F5: variants seen among roughly 807,000 people sequenced by gnomAD.
F5 encodes coagulation factor V, also known as activated protein c cofactor.
F5 carries 138 observed loss-of-function variants against 216.4 expected under a neutral mutation model. The observed-to-expected ratio is 0.64, with a 90% confidence interval of 0.56 to 0.73. The LOEUF (loss-of-function observed/expected upper bound fraction) is 0.73. Among genes scored for constraint, F5 ranks in the 30% least tolerant of loss-of-function variants. The pLI is 0.00. For synonymous variants in F5, 916 were observed against 930.7 expected, an observed-to-expected ratio of 0.98 and a Z score of 0.29; for missense variants, 2,403 against 2,674.0, an observed-to-expected ratio of 0.90 and a Z score of 2.24.
rs192718711 is a variant in F5, at chr1:169,547,206, C to A, written c.1612-614G>T. Reference sequence around the variant, plus strand: ...AAACAAACAAAAAACAACAACAACACACTTAAACGTAAAACCCCAAACTAC... The same window carrying A: ...AAACAAACAAAAAACAACAACAACAAACTTAAACGTAAAACCCCAAACTAC... On this transcript the variant is annotated intron_variant, in intron 10 of 24. Transcript: ENST00000367797. Among the ~76,000 whole-genome samples the A allele has an allele frequency of 6.1e-4, 93 of 151,964 alleles. 1 individual carries two copies. The highest frequency in any genetic ancestry group is 5.7e-3 in the Admixed American group (87 of 15,256).
chr1:169,518,319 T>G, intron 23 of F5, 93 bp downstream of exon 23: 1 of 1,462,622 alleles, frequency 6.8e-7, no homozygotes. Context: ...ATTAAAATAC[T>G]CCTGCTTCCC....
At position 169,544,526 on chromosome 1, in the gene F5, G is replaced by T. The variant is rs757224003; in HGVS notation, c.1763-18C>A. ...ATTGATAGCTGAAAGTGTAAAATCT[G>T]TTAAAATTCCAAGTCTATGCCAACA... On this transcript the variant is annotated intron_variant, in intron 11 of 24. Transcript: ENST00000367797. The T allele has an allele frequency of 1.9e-6, 3 of 1,606,936 alleles. No homozygotes were observed. In the South Asian group the frequency reaches 3.3e-5, roughly 18 times the overall value.
At chr1:169,533,452 G>C (rs531896719) in intron 14 of F5, among the ~76,000 whole-genome samples, 1 of 152,254 alleles carries the variant, frequency 6.6e-6, no homozygotes, top group South Asian at 2.1e-4. Flanking sequence ...GCTATCTACA[G>C]AGTGAACAGA....
intron 5 of F5, among the ~76,000 whole-genome samples, chr1:169,557,583 T>C (rs1660361888): frequency 6.6e-6 from 1 of 152,062 alleles, no homozygotes; most frequent in Admixed American, 6.6e-5. Flanking sequence ...AAAAACTTAG[T>C]TTTGCTCCTT....
At chr1:169,515,163 C>T (rs1032791151) in intron 24 of F5, among the ~76,000 whole-genome samples, 1 of 152,048 alleles carries the variant, frequency 6.6e-6, no homozygotes, top group Non-Finnish European at 1.5e-5. Context: ...CCATCATCAG[C>T]AAGTTCCCCA....
Position 169,514,013 on chromosome 1 carries a change from T to C in F5, c.*300A>G, listed in dbSNP as rs746426743. ...AAGAGTTATAATGAAGCATTTTAAC[T>C]ACATAAATATTACTTCATAGCATTT... On this transcript the variant is annotated 3_prime_UTR_variant, in exon 25 of 25. Coordinates refer to ENST00000367797, the MANE Select transcript of F5 (RefSeq NM_000130.5). Among the ~76,000 whole-genome samples the C allele has an allele frequency of 3.9e-5, 6 of 152,162 alleles. No individual in the cohort carries two copies. Among genetic ancestry groups the C allele is most frequent in the Non-Finnish European group, 7.4e-5 (5 of 68,016 alleles).
intron 2 of F5, among the ~76,000 whole-genome samples, chr1:169,572,986 C>T (rs898668848): frequency 3.3e-5 from 5 of 151,290 alleles, no homozygotes; most frequent in African/African-American, 1.2e-4. Context: ...CGCTCTGTCT[C>T]CTAGGCTGGA....
chr1:169,574,826 GTATTCATTCCTT>G (rs1418300376), intron 2 of F5, among the ~76,000 whole-genome samples: 6 of 152,180 alleles, frequency 3.9e-5, no homozygotes, highest in African/African-American at 1.2e-4. Flanking sequence ...CCTCCACCTT[GTATTCATTCCTT>G]TATTCATTCC....
chr1:169,520,788 G>A (rs903752084), intron 21 of F5, 124 bp from the exon 22 acceptor site: 2 of 824,656 alleles, frequency 2.4e-6, no homozygotes, highest in Admixed American at 2.3e-5. Flanking sequence ...AAATCAATTT[G>A]GTTATAAAAT....
At chr1:169,572,041 G>A (rs538585110) in intron 3 of F5, among the ~76,000 whole-genome samples, 180 bp downstream of exon 3, 1 of 152,172 alleles carries the variant, frequency 6.6e-6, no homozygotes, top group Non-Finnish European at 1.5e-5. Context: ...CAGGTCTAGA[G>A]GACTCCAAAA....
intron 22 of F5, 101 bp from the exon 23 acceptor site, chr1:169,518,664 G>T: frequency 7.8e-7 from 1 of 1,283,020 alleles, no homozygotes; most frequent in Non-Finnish European, 1.1e-6. Context: ...ACCAACAAAT[G>T]ACAAAAACAA....
intron 12 of F5, among the ~76,000 whole-genome samples, chr1:169,543,609 T>C (rs1010600189): frequency 1.3e-5 from 2 of 152,200 alleles, no homozygotes; most frequent in Admixed American, 1.3e-4. Flanking sequence ...GACATTTAGA[T>C]GTTTCTAAGT....
intron 3 of F5, among the ~76,000 whole-genome samples, chr1:169,570,997 C>T (rs1315773509): frequency 6.6e-6 from 1 of 152,072 alleles, no homozygotes; most frequent in East Asian, 1.9e-4. Context: ...AACCACTCTC[C>T]TACTCAATTA....
In F5 at chr1:169,523,187, G is replaced by T; in HGVS notation, c.6048+10C>A. The T allele has an allele frequency of 6.2e-7, 1 of 1,613,846 alleles. No homozygotes were observed. The highest frequency in any genetic ancestry group is 8.5e-7 in the Non-Finnish European group (1 of 1,179,802). ...AGTCTAGAGATTCAGATAGAAATAT[G>T]CACACAAACCATCACATTCCTTGTG... On this transcript the variant is annotated intron_variant, in intron 21 of 24. Coordinates refer to ENST00000367797, the MANE Select transcript of F5 (RefSeq NM_000130.5).
At position 169,582,459 on chromosome 1, in the gene F5, C is replaced by A; in HGVS notation, c.222G>T (p.Lys74Asn). The A allele has an allele frequency of 6.5e-7, 1 of 1,543,968 alleles. No homozygotes were observed. The highest frequency in any genetic ancestry group is 8.9e-7 in the Non-Finnish European group (1 of 1,122,488). The change falls in exon 2 of 25, where the codon AAG becomes AAT. Residue 74 changes from lysine to asparagine, a missense_variant. Physicochemically the swap from Lys to Asn is moderately conservative, Grantham distance 94. Around this residue, in one of 4 missense-constraint regions of F5, gnomAD observed 1,425 missense variants for 1,554.8 expected, o/e 0.92. Coordinates refer to ENST00000367797, the MANE Select transcript of F5 (RefSeq NM_000130.5). ...AAATGGTAGATTGTGGTTTTTCTTT[C>A]TTAAAATATGGTTCATACTCTCTGT... ...IVYREYEPYF[K>N]KEKPQSTISG...
intron 8 of F5, among the ~76,000 whole-genome samples, chr1:169,551,431 CAG>C (rs1057487820): frequency 1.3e-5 from 2 of 152,146 alleles, no homozygotes; most frequent in African/African-American, 4.8e-5. Flanking sequence ...GCCTGGGTGA[CAG>C]AGTAAGACCC....
Position 169,540,675 on chromosome 1 carries a change from G to A in F5, c.4415C>T (p.Ser1472Leu). ...CTCATTAAATTCTTGAAGAAGCAAT[G>A]ACTGACTAGATTCAGAAGGGTAGAA... ...QIFYPSESSQ[S>L]LLLQEFNESF... Residue 1472 changes from serine to leucine, a missense_variant, in exon 13 of 25, where the codon TCA becomes TTA. Ser to Leu is a moderately radical substitution (Grantham distance 145, BLOSUM62 -2). Coordinates refer to ENST00000367797, the MANE Select transcript of F5 (RefSeq NM_000130.5). The A allele has an allele frequency of 1.2e-6, 2 of 1,614,032 alleles. No individual in the cohort carries two copies. Among genetic ancestry groups the A allele is most frequent in the Non-Finnish European group, 1.7e-6 (2 of 1,179,976 alleles).
At chr1:169,523,444 T>G in intron 20 of F5, 92 bp from the exon 21 acceptor site, 9 of 1,443,348 alleles carry the variant, frequency 6.2e-6, no homozygotes, top group Non-Finnish European at 8.7e-6. Context: ...TCTTCAGAAC[T>G]AAAGAGCTAG....
At chr1:169,520,951 G>A (rs1031807070) in intron 21 of F5, among the ~76,000 whole-genome samples, 7 of 152,058 alleles carry the variant, frequency 4.6e-5, no homozygotes, top group Non-Finnish European at 7.4e-5. Flanking sequence ...TAGGGTTCTC[G>A]GAAGGAACAA....
Sources: allele counts gnomAD v4.1 joint callset (sites outside exome capture counted in the v4.1 genomes callset), GRCh38; gene constraint gnomAD v4.1.1; regional missense constraint gnomAD v4.1.1; transcripts MANE v1.5; gene names NCBI Gene and HGNC (gene_info 2026-07-23, HGNC 2026-07-21).